Variants in OBSL1 observed in about 807,000 individuals in gnomAD.
OBSL1 encodes obscurin like cytoskeletal adaptor 1, also known as obscurin-like protein 1.
A neutral mutation model predicts 172.0 loss-of-function variants in OBSL1; 160 were observed. The ratio of observed to expected loss-of-function variants is 0.93; its 90% confidence interval spans 0.82 to 1.06. The LOEUF is 1.06. Among genes scored for constraint, OBSL1 ranks in the 50% least tolerant of loss-of-function variants. OBSL1 has a pLI of 0.00. For missense variants in OBSL1, 2,681 were observed against 2,715.4 expected, an observed-to-expected ratio of 0.99 and a Z score of 0.28; for synonymous variants, 1,200 against 1,196.3, an observed-to-expected ratio of 1.00 and a Z score of -0.06.
chr2:219,551,427 G>A (rs1172138533), intron 20 of OBSL1, 102 bp downstream of exon 20: 42 of 1,329,004 alleles, frequency 3.2e-5, no homozygotes, highest in East Asian at 1.3e-4. Flanking sequence ...CCCAGGACCC[G>A]TTGCCACCCC....
Position 219,552,680 on chromosome 2 carries a change from G to A in OBSL1, c.5164C>T (p.Leu1722Phe). 6.5e-7 allele frequency: 1 copy of A among 1,534,734 alleles called. No homozygotes were observed. Among genetic ancestry groups the A allele is most frequent in the Non-Finnish European group, 8.7e-7 (1 of 1,143,902 alleles). The change falls in exon 18 of 21, where the codon CTC becomes TTC. Residue 1722 changes from leucine (L) to phenylalanine (F), a missense_variant. This residue lies in a region of OBSL1 where 1,765 missense variants were observed against 1,748.3 expected (regional missense o/e 1.01). Coordinates refer to ENST00000404537, the MANE Select transcript of OBSL1 (RefSeq NM_015311.3). ...LTVRERTVAV[L>F]SELRSVSARE... is the part of the protein sequence containing the mutation. ...GCGCTCACCGACCGCAGCTCGGAGA[G>A]TACCGCCACAGTACGCTCTGGGGCG...
chr2:219,563,241 G>A (rs1245798781), intron 7 of OBSL1, 114 bp downstream of exon 7: 4 of 1,108,856 alleles, frequency 3.6e-6, no homozygotes, highest in South Asian at 3.4e-5. Context: ...CGATCTGCCA[G>A]GGGGAGGGCA....
intron 18 of OBSL1, 62 bp from the exon 19 acceptor site, chr2:219,552,278 G>A: frequency 6.8e-7 from 1 of 1,462,124 alleles, no homozygotes; most frequent in South Asian, 1.2e-5. Context: ...GGGGACGAAG[G>A]TGGGGGCCCA....
At chr2:219,555,774 T>G in intron 14 of OBSL1, 1 of 1,371,550 alleles carries the variant, frequency 7.3e-7, no homozygotes, top group Non-Finnish European at 9.4e-7. Context: ...GGAGAATATT[T>G]GTGTTTATAG....
At position 219,550,847 on chromosome 2, in the gene OBSL1, A is replaced by T. The variant is rs1352824771; in HGVS notation, c.5684-5T>A. ...TGGTTAGGTTCTCCTAGTTGCCTGC[A>T]GAGGAATGACTCCACATGGGGCTGG... is the stretch of plus-strand genomic sequence containing the variant. On this transcript the variant is annotated splice_region_variant and splice_polypyrimidine_tract_variant and intron_variant, in intron 20 of 20. Transcript: ENST00000404537. 1 of 1,609,716 alleles carries T rather than the reference A, an allele frequency of 6.2e-7. No homozygotes were observed. Among genetic ancestry groups the T allele is most frequent in the Non-Finnish European group, 8.5e-7 (1 of 1,178,472 alleles).
intron 9 of OBSL1, among the ~76,000 whole-genome samples, chr2:219,558,680 T>C (rs1040721218): frequency 1.3e-5 from 2 of 152,214 alleles, no homozygotes; most frequent in African/African-American, 4.8e-5. Flanking sequence ...AGCTGCTGGC[T>C]GCACTTCATG....
rs762716783 is a variant in OBSL1, at chr2:219,570,335, C to T, written c.898G>A (p.Gly300Ser). 3.7e-6 allele frequency: 6 copies of T among 1,612,242 alleles called. 1 individual carries two copies. The South Asian group carries it at 6.6e-5, about 18-fold the overall frequency. ...RRRLMYRDRD[G>S]GFVLKVLYCQ... ...TAAAGCACCTTGAGCACGAAGCCGC[C>T]GTCGCGGTCGCGGTACATGAGGCGG... Residue 300 changes from glycine to serine, a missense_variant, in exon 1 of 21, where the codon GGC becomes AGC. Physicochemically the swap from Gly to Ser is moderately conservative, Grantham distance 56. This residue lies in a region of OBSL1 where 706 missense variants were observed against 695.8 expected (regional missense o/e 1.01). Coordinates refer to ENST00000404537, the MANE Select transcript of OBSL1 (RefSeq NM_015311.3).
At position 219,571,105 on chromosome 2, in the gene OBSL1, A is replaced by G; in HGVS notation, c.128T>C (p.Val43Ala). 1 of 1,465,932 alleles carries G rather than the reference A, an allele frequency of 6.8e-7. No individual in the cohort carries two copies. Among genetic ancestry groups the G allele is most frequent in the Non-Finnish European group, 9.0e-7 (1 of 1,113,540 alleles). 90.8% of individuals were successfully genotyped at this position (1,465,932 alleles called of 1,614,324 possible). Residue 43 changes from valine (V) to alanine (A), a missense_variant, in exon 1 of 21, where the codon GTG (valine) becomes GCG (alanine). Around this residue, in one of 5 missense-constraint regions of OBSL1, gnomAD observed 90 missense variants for 76.6 expected, o/e 1.18. Transcript: ENST00000404537. ...CVVLGEPPPV[V>A]VWEKGGQQLA... ...CTGCTGCCCGCCCTTCTCCCACACC[A>G]CTACAGGCGGCGGCTCCCCCAGGAC...
Position 219,570,913 on chromosome 2 carries a change from G to A in OBSL1, c.320C>T (p.Ser107Phe), listed in dbSNP as rs1697305220. ...AAVTVLEPPASDPELQPAERP... is the reference protein window; with the variant it reads ...AAVTVLEPPAFDPELQPAERP... ...CTCGGCGGGCTGCAGCTCGGGGTCG[G>A]AGGCCGGCGGCTCCAGCACGGTGAC... is the stretch of plus-strand genomic sequence containing the variant. Residue 107 changes from serine (S) to phenylalanine (F), a missense_variant, in exon 1 of 21, where the codon TCC becomes TTC. Physicochemically the swap from Ser to Phe is radical, Grantham distance 155. Around this residue, in one of 5 missense-constraint regions of OBSL1, gnomAD observed 67 missense variants for 109.3 expected, o/e 0.61. Transcript: ENST00000404537. 6 of 1,308,396 alleles carry A rather than the reference G, an allele frequency of 4.6e-6. No individual in the cohort carries two copies. The highest frequency in any genetic ancestry group is 6.2e-5 in the East Asian group (2 of 32,066). The allele number at this position is 1,308,396 out of a possible 1,614,324, so 81.0% of individuals were successfully genotyped here. A position where few individuals can be genotyped will look rare whatever the true frequency, so the allele number is the denominator to read the frequency against.
chr2:219,570,082 C>T, intron 1 of OBSL1, 139 bp downstream of exon 1: 1 of 739,928 alleles, frequency 1.4e-6, no homozygotes, highest in Non-Finnish European at 2.0e-6. Flanking sequence ...GAGAGGCGGG[C>T]GGGTTTGGTA....
intron 15 of OBSL1, chr2:219,554,193 G>A (rs967038194): frequency 3.0e-4 from 157 of 527,774 alleles, no homozygotes; most frequent in Admixed American, 1.3e-3. Flanking sequence ...GTGTGCAGGC[G>A]GGCAGACAGC....
rs1163999625 is a variant in OBSL1, at chr2:219,552,670, A to G, written c.5174T>C (p.Leu1725Pro). The G allele has an allele frequency of 6.5e-7, 1 of 1,537,364 alleles. No individual in the cohort carries two copies. The highest frequency in any genetic ancestry group is 1.9e-5 in the Admixed American group (1 of 51,550). ...GCCTTCGCGGGCGCTCACCGACCGC[A>G]GCTCGGAGAGTACCGCCACAGTACG... is the stretch of plus-strand genomic sequence containing the variant. ...RERTVAVLSE[L>P]RSVSAREGDG... The change falls in exon 18 of 21, where the codon CTG (leucine) becomes CCG (proline). Residue 1725 changes from leucine (L) to proline (P), a missense_variant. By Grantham distance (98) the Leu-to-Pro change is moderately conservative. Around this residue, in one of 5 missense-constraint regions of OBSL1, gnomAD observed 1,765 missense variants for 1,748.3 expected, o/e 1.01. Transcript: ENST00000404537.
chr2:219,553,852 G>A (rs1397116005), intron 15 of OBSL1, among the ~76,000 whole-genome samples, 166 bp from the exon 16 acceptor site: 2 of 151,966 alleles, frequency 1.3e-5, no homozygotes, highest in Admixed American at 6.6e-5. Flanking sequence ...GGTGGGGGTG[G>A]GGGGGATGTA....
Position 219,558,166 on chromosome 2 carries a change from T to C in OBSL1, c.3502+18A>G. ...CTTGCCCTTGCCTCCCTGCCCTGGG[T>C]TGGCCAGGAGCACCCACCAGCCAGG... On this transcript the variant is annotated intron_variant, in intron 10 of 20. Coordinates refer to ENST00000404537, the MANE Select transcript of OBSL1 (RefSeq NM_015311.3). 2.5e-6 allele frequency: 4 copies of C among 1,608,972 alleles called. No individual in the cohort carries two copies. The highest frequency in any genetic ancestry group is 3.4e-6 in the Non-Finnish European group (4 of 1,176,236).
intron 5 of OBSL1, 108 bp downstream of exon 5, chr2:219,566,722 C>T: frequency 7.8e-7 from 1 of 1,281,840 alleles, no homozygotes; most frequent in Non-Finnish European, 1.1e-6. Context: ...ATGCTCCTTG[C>T]TCTCCTGGCC....
intron 8 of OBSL1, among the ~76,000 whole-genome samples, chr2:219,560,298 C>T (rs1696364826): frequency 6.6e-6 from 1 of 152,190 alleles, no homozygotes; most frequent in Non-Finnish European, 1.5e-5. Flanking sequence ...CAGGTAGTGG[C>T]AGGAATTCCA....
At chr2:219,553,796 A>G in intron 15 of OBSL1, 110 bp from the exon 16 acceptor site, 1 of 311,528 alleles carries the variant, frequency 3.2e-6, no homozygotes, top group Non-Finnish European at 5.9e-6. Flanking sequence ...GACACTAGCG[A>G]GTGGGGTTCG....
chr2:219,560,265 G>T (rs1696362175), intron 8 of OBSL1, among the ~76,000 whole-genome samples: 1 of 152,190 alleles, frequency 6.6e-6, no homozygotes, highest in Non-Finnish European at 1.5e-5. Flanking sequence ...AATACCCTCT[G>T]TTAAAGGGAG....
In OBSL1 at chr2:219,570,485, A is replaced by G. The variant is rs1011179144; in HGVS notation, c.748T>C (p.Cys250Arg). The change falls in exon 1 of 21, where the codon TGC becomes CGC. Residue 250 changes from cysteine to arginine, a missense_variant. Cys to Arg is a radical substitution (Grantham distance 180). Around this residue, in one of 5 missense-constraint regions of OBSL1, gnomAD observed 706 missense variants for 695.8 expected, o/e 1.01. Transcript: ENST00000404537. ...APAPVVEPLK[C>R]APKTFWVNEG... ...TTCACCCAGAAGGTCTTAGGCGCGCACTTGAGCGGCTCCACCACCGGCGCG... is the reference window on the plus strand; with the variant it reads ...TTCACCCAGAAGGTCTTAGGCGCGCGCTTGAGCGGCTCCACCACCGGCGCG... 9.3e-6 allele frequency: 15 copies of G among 1,611,944 alleles called. No homozygotes were observed. The highest frequency in any genetic ancestry group is 1.3e-5 in the Non-Finnish European group (15 of 1,179,396).
Sources: gnomAD v4.1 joint callset for allele counts (sites outside exome capture counted in the v4.1 genomes callset) on GRCh38, gnomAD v4.1.1 for gene constraint, gnomAD v4.1.1 regional missense constraint, MANE v1.5 for transcripts, NCBI Gene and HGNC (gene_info 2026-07-23, HGNC 2026-07-21) for gene names.